SLC39A12: variants seen among roughly 807,000 people sequenced by gnomAD.
SLC39A12 encodes zinc transporter ZIP12.
Under a neutral mutation model 71.1 loss-of-function variants are expected in SLC39A12, and 63 were observed. The observed-to-expected ratio is 0.89, with a 90% CI of 0.72 to 1.09. SLC39A12 has a LOEUF of 1.09. Ranked by LOEUF, SLC39A12 falls within the 50% of genes least tolerant of loss-of-function variation. SLC39A12 has a pLI of 0.00. For synonymous variants in SLC39A12, 351 were observed against 301.3 expected (o/e 1.16, Z -1.71); for missense variants, 892 against 812.6 (o/e 1.10, Z -1.19).
chr10:18,019,092 A>C (rs1234608719), intron 12 of SLC39A12, among the ~76,000 whole-genome samples: 1 of 152,022 alleles, frequency 6.6e-6, no homozygotes, highest in Non-Finnish European at 1.5e-5. Flanking sequence ...GGCCTATTCA[A>C]ATTTTCTATT....
rs118125576 is a variant in SLC39A12, at chr10:17,958,411, T to C, written c.262-3170T>C. Among the ~76,000 whole-genome samples the C allele has an allele frequency of 2.8e-3, 420 of 152,280 alleles. 1 individual carries two copies. The highest frequency in any genetic ancestry group is 6.8e-3 in the Middle Eastern group (2 of 294). On this transcript the variant is annotated intron_variant, in intron 2 of 12. Coordinates refer to ENST00000377369, the MANE Select transcript of SLC39A12 (RefSeq NM_001145195.2). ...CTCATTCAACGCTCTCGTTGTACCATGTCCTTGTTCTGATTGATGTTAGAC... is the reference window on the plus strand; with the variant it reads ...CTCATTCAACGCTCTCGTTGTACCACGTCCTTGTTCTGATTGATGTTAGAC...
chr10:18,003,150 T>G, intron 11 of SLC39A12, 21 bp from the exon 12 acceptor site: 2 of 1,603,586 alleles, frequency 1.2e-6, no homozygotes, highest in Non-Finnish European at 1.7e-6. Context: ...AATTATATTT[T>G]CCTTTCCTCT....
intron 10 of SLC39A12, among the ~76,000 whole-genome samples, chr10:18,000,179 T>C (rs1198043426): frequency 6.6e-6 from 1 of 152,166 alleles, no homozygotes; most frequent in Non-Finnish European, 1.5e-5. Context: ...CTCCTTGGCA[T>C]CTCTTTTATA....
intron 2 of SLC39A12, among the ~76,000 whole-genome samples, chr10:17,954,156 G>A (rs1554847509): frequency 1.4e-4 from 22 of 152,140 alleles, no homozygotes; most frequent in Non-Finnish European, 7.3e-5. Context: ...AGCTGCATAG[G>A]TTTCCCAGCA....
In SLC39A12 at chr10:18,008,216, G is replaced by A. The variant is rs564357803; in HGVS notation, c.1947+4858G>A. ...CGAAGCTTCATCTGTACTTACAGCCGCTCTGCATTGCTCACCTGAGCTCCG... is the reference window on the plus strand; with the variant it reads ...CGAAGCTTCATCTGTACTTACAGCCACTCTGCATTGCTCACCTGAGCTCCG... On this transcript the variant is annotated intron_variant, in intron 12 of 12. Coordinates refer to ENST00000377369, the MANE Select transcript of SLC39A12 (RefSeq NM_001145195.2). Among the ~76,000 whole-genome samples the A allele has an allele frequency of 4.9e-3, 747 of 152,278 alleles. 6 individuals are homozygous for A. The highest frequency in any genetic ancestry group is 8.2e-3 in the Non-Finnish European group (558 of 68,014).
chr10:17,989,000 C>T (rs186721776), intron 7 of SLC39A12, among the ~76,000 whole-genome samples: 1 of 152,348 alleles, frequency 6.6e-6, no homozygotes, highest in African/African-American at 2.4e-5. Context: ...AATTCTCCTT[C>T]TTGCCTAACA....
intron 3 of SLC39A12, among the ~76,000 whole-genome samples, chr10:17,963,425 A>G (rs2130781943): frequency 6.6e-6 from 1 of 152,362 alleles, no homozygotes; most frequent in South Asian, 2.1e-4. Context: ...GCAAATACCC[A>G]GGCTTCTGAG....
At chr10:17,991,875 G>A (rs1031125519) in intron 8 of SLC39A12, among the ~76,000 whole-genome samples, 4 of 152,128 alleles carry the variant, frequency 2.6e-5, no homozygotes, top group South Asian at 2.1e-4. Context: ...GATCACCTGA[G>A]GTCAGGAGTT....
chr10:18,012,824 C>G (rs1836264815), intron 12 of SLC39A12, among the ~76,000 whole-genome samples: 1 of 148,716 alleles, frequency 6.7e-6, no homozygotes. Flanking sequence ...CAAGATCGCA[C>G]CACTGCACTC....
chr10:18,006,452 T>A (rs1387655338), intron 12 of SLC39A12, among the ~76,000 whole-genome samples: 3 of 152,184 alleles, frequency 2.0e-5, no homozygotes, highest in Non-Finnish European at 4.4e-5. Flanking sequence ...GTTATGAAGA[T>A]CAGTGTCCTA....
At chr10:18,008,237 C>T (rs1365177677) in intron 12 of SLC39A12, among the ~76,000 whole-genome samples, 1 of 152,172 alleles carries the variant, frequency 6.6e-6, no homozygotes, top group African/African-American at 2.4e-5. Flanking sequence ...CTCACCTGAG[C>T]TCCGCCTCCT....
At chr10:17,964,693 A>T (rs1215978394) in intron 3 of SLC39A12, among the ~76,000 whole-genome samples, 1 of 152,230 alleles carries the variant, frequency 6.6e-6, no homozygotes, top group East Asian at 1.9e-4. Flanking sequence ...TTGACATGCA[A>T]TGAGTACACA....
At chr10:18,034,174 G>T (rs1180443377) in intron 12 of SLC39A12, among the ~76,000 whole-genome samples, 2 of 152,038 alleles carry the variant, frequency 1.3e-5, no homozygotes, top group Non-Finnish European at 2.9e-5. Flanking sequence ...GGTCCACTTG[G>T]TGCAGAGCTG....
intron 10 of SLC39A12, among the ~76,000 whole-genome samples, chr10:17,998,124 G>A (rs577094394): frequency 5.9e-5 from 9 of 152,148 alleles, no homozygotes; most frequent in South Asian, 2.1e-4. Context: ...TCAACCTCCC[G>A]CTAAATAATG....
At chr10:18,025,914 T>A (rs1387294332) in intron 12 of SLC39A12, among the ~76,000 whole-genome samples, 2 of 152,222 alleles carry the variant, frequency 1.3e-5, no homozygotes, top group Non-Finnish European at 2.9e-5. Context: ...TTACAACTAA[T>A]CCAAGTCTAT....
At position 18,038,825 on chromosome 10, in the gene SLC39A12, A is replaced by ACTT. The variant is rs149028775; in HGVS notation, c.1948-3877_1948-3875dup. Reference sequence around the variant, plus strand: ...TTTGATCGACCCAAATCTAGGGTCTACTTCTCCTCAGCCAAAGACCCTTCC... The same window carrying ACTT: ...TTTGATCGACCCAAATCTAGGGTCTACTTCTTCTCCTCAGCCAAAGACCCTTCC... On this transcript the variant is annotated intron_variant, in intron 12 of 12. Transcript: ENST00000377369. Among the ~76,000 whole-genome samples, 15 of 152,296 alleles carry ACTT rather than the reference A, an allele frequency of 9.8e-5. No individual in the cohort carries two copies. The East Asian group carries it at 2.9e-3, about 29-fold the overall frequency.
At chr10:18,025,480 G>A (rs538314994) in intron 12 of SLC39A12, among the ~76,000 whole-genome samples, 31 of 152,124 alleles carry the variant, frequency 2.0e-4, no homozygotes, top group African/African-American at 3.6e-4. Flanking sequence ...GAGAACATGC[G>A]GTGTTTGGTT....
intron 4 of SLC39A12, among the ~76,000 whole-genome samples, chr10:17,973,258 T>A (rs1400182228): frequency 6.6e-6 from 1 of 152,110 alleles, no homozygotes; most frequent in Non-Finnish European, 1.5e-5. Flanking sequence ...TCTTCCTACT[T>A]AGGATGGGAG....
Position 17,988,010 on chromosome 10 carries a change from C to T in SLC39A12, c.1269+359C>T, listed in dbSNP as rs186817810. ...CCGATGTGGTGGAACCCCATCTCTACTAAAAATACAAAAATTAGCTGCACA... is the reference window on the plus strand; with the variant it reads ...CCGATGTGGTGGAACCCCATCTCTATTAAAAATACAAAAATTAGCTGCACA... On this transcript the variant is annotated intron_variant, in intron 7 of 12. Transcript: ENST00000377369. Among the ~76,000 whole-genome samples the T allele has an allele frequency of 1.5e-3, 226 of 152,146 alleles. No individual in the cohort carries two copies. In the Middle Eastern group the frequency reaches 0.017, roughly 11 times the overall value.
Sources: allele counts gnomAD v4.1 joint callset (sites outside exome capture counted in the v4.1 genomes callset), GRCh38; gene constraint gnomAD v4.1.1; transcripts MANE v1.5; gene names NCBI Gene and HGNC (gene_info 2026-07-23, HGNC 2026-07-21).